Variants in ANKRD6 observed in about 807,000 individuals in gnomAD.
ANKRD6 encodes the protein ankyrin repeat domain-containing protein 6.
ANKRD6 carries 56 observed loss-of-function variants against 82.3 expected under a neutral mutation model. The ratio of observed to expected loss-of-function variants is 0.68; its 90% CI spans 0.55 to 0.85. The LOEUF is 0.85. ANKRD6 is among the 40% of genes least tolerant of loss of function. The pLI is 0.00. For synonymous variants in ANKRD6, 347 were observed against 352.1 expected (o/e 0.99, Z 0.16); for missense variants, 852 against 907.6 (o/e 0.94, Z 0.79).
At chr6:89,474,027 A>G (rs1166979092) in intron 1 of ANKRD6, among the ~76,000 whole-genome samples, 1 of 152,148 alleles carries the variant, frequency 6.6e-6, no homozygotes, top group Non-Finnish European at 1.5e-5. Context: ...GCATAGATGA[A>G]AGAGAAACAG....
chr6:89,478,392 C>T (rs1221888323), intron 1 of ANKRD6: 1 of 151,926 alleles, frequency 6.6e-6, no homozygotes, highest in East Asian at 1.9e-4. Flanking sequence ...TATGAATAGC[C>T]ACTGCACTCT....
chr6:89,522,567 T>C (rs1046129314), intron 1 of ANKRD6, among the ~76,000 whole-genome samples: 2 of 152,164 alleles, frequency 1.3e-5, no homozygotes, highest in African/African-American at 4.8e-5. Flanking sequence ...AAATTGGGAA[T>C]TATGTGCCAG....
At chr6:89,504,343 G>A (rs971163387) in intron 1 of ANKRD6, among the ~76,000 whole-genome samples, 1 of 152,106 alleles carries the variant, frequency 6.6e-6, no homozygotes, top group African/African-American at 2.4e-5. Context: ...TCTCCATAGA[G>A]GGTAGCTGCT....
At chr6:89,532,994 C>T (rs1283210312) in intron 1 of ANKRD6, among the ~76,000 whole-genome samples, 1 of 152,102 alleles carries the variant, frequency 6.6e-6, no homozygotes, top group South Asian at 2.1e-4. Flanking sequence ...CTGCCTCAGC[C>T]TCCTGAGTAG....
intron 1 of ANKRD6, among the ~76,000 whole-genome samples, chr6:89,538,331 T>C (rs1390328697): frequency 6.6e-6 from 1 of 152,196 alleles, no homozygotes; most frequent in Non-Finnish European, 1.5e-5. Context: ...GTGAAAAGTA[T>C]AGAAATTGAC....
chr6:89,538,553 A>G (rs1784119809), intron 1 of ANKRD6, among the ~76,000 whole-genome samples: 2 of 152,250 alleles, frequency 1.3e-5, no homozygotes. Flanking sequence ...AGAATATCTT[A>G]CTATGAAAAA....
chr6:89,488,802 T>TGTACACATACATATATAAAC (rs1319469129), intron 1 of ANKRD6, among the ~76,000 whole-genome samples: 1 of 152,226 alleles, frequency 6.6e-6, no homozygotes, highest in Non-Finnish European at 1.5e-5. Context: ...TGACCCAGTA[T>TGTACACATACATATATAAAC]GTACACATAC....
intron 1 of ANKRD6, among the ~76,000 whole-genome samples, chr6:89,514,938 T>G (rs1781032255): frequency 6.6e-6 from 1 of 152,354 alleles, no homozygotes; most frequent in Non-Finnish European, 1.5e-5. Context: ...CCTTGATGAC[T>G]TTTGAAGTTG....
chr6:89,610,129 T>C (rs1236207257), intron 5 of ANKRD6, among the ~76,000 whole-genome samples: 1 of 152,180 alleles, frequency 6.6e-6, no homozygotes, highest in Non-Finnish European at 1.5e-5. Context: ...TTTTCTAATG[T>C]CAGGTTTTGA....
intron 1 of ANKRD6, among the ~76,000 whole-genome samples, chr6:89,513,846 T>C (rs1401856086): frequency 6.6e-6 from 1 of 152,244 alleles, no homozygotes; most frequent in Non-Finnish European, 1.5e-5. Context: ...TCCCTATTTA[T>C]GGCATGGCAA....
intron 3 of ANKRD6, among the ~76,000 whole-genome samples, chr6:89,599,058 C>T (rs1583608350): frequency 6.6e-6 from 1 of 152,180 alleles, no homozygotes; most frequent in East Asian, 1.9e-4. Context: ...GAGAATTAGA[C>T]TTGGCACACA....
chr6:89,472,387 G>T (rs1268079144), intron 1 of ANKRD6, among the ~76,000 whole-genome samples: 3 of 152,068 alleles, frequency 2.0e-5, no homozygotes, highest in African/African-American at 7.2e-5. Flanking sequence ...GACTTTCTTG[G>T]ATCTTTGGGA....
intron 1 of ANKRD6, among the ~76,000 whole-genome samples, chr6:89,443,991 G>A (rs950477455): frequency 6.6e-6 from 1 of 152,190 alleles, no homozygotes; most frequent in Non-Finnish European, 1.5e-5. Context: ...GAATGTGAAT[G>A]GTTTATATCG....
chr6:89,627,764 C>G, intron 14 of ANKRD6, 68 bp downstream of exon 14: 2 of 1,445,706 alleles, frequency 1.4e-6, no homozygotes, highest in Non-Finnish European at 1.9e-6. Context: ...CTCAGGCAGG[C>G]CTGCCACTGA....
At chr6:89,619,323 C>T (rs748010488) in intron 9 of ANKRD6, among the ~76,000 whole-genome samples, 33 of 152,118 alleles carry the variant, frequency 2.2e-4, no homozygotes, top group Non-Finnish European at 3.4e-4. Flanking sequence ...GCTGTATAAA[C>T]GTCAGAACCC....
At chr6:89,490,382 A>T (rs1018450560) in intron 1 of ANKRD6, among the ~76,000 whole-genome samples, 1 of 152,248 alleles carries the variant, frequency 6.6e-6, no homozygotes, top group African/African-American at 2.4e-5. Context: ...ATACCTCATA[A>T]TGAGTAGCAA....
chr6:89,502,738 A>G (rs1169279548), intron 1 of ANKRD6, among the ~76,000 whole-genome samples: 1 of 152,180 alleles, frequency 6.6e-6, no homozygotes, highest in Non-Finnish European at 1.5e-5. Context: ...TCCCATTATG[A>G]TAATAGCTAT....
chr6:89,475,162 A>G (rs1775893856), intron 1 of ANKRD6, among the ~76,000 whole-genome samples: 2 of 152,254 alleles, frequency 1.3e-5, no homozygotes, highest in South Asian at 2.1e-4. Context: ...GTTGTCAGAA[A>G]GCAGCACCCA....
chr6:89,513,123 C>G (rs1246628518), intron 1 of ANKRD6, among the ~76,000 whole-genome samples: 2 of 151,998 alleles, frequency 1.3e-5, no homozygotes, highest in African/African-American at 4.8e-5. Context: ...GACAGAGACT[C>G]ACTATGTTGC....
Sources: allele counts gnomAD v4.1 joint callset (sites outside exome capture counted in the v4.1 genomes callset), GRCh38; gene constraint gnomAD v4.1.1; transcripts MANE v1.5; gene names NCBI Gene and HGNC (gene_info 2026-07-23, HGNC 2026-07-21).